The following GDPD4 variants were observed in gnomAD, a reference collection of about 807,000 sequenced individuals.
The protein encoded by GDPD4 is glycerophosphodiester phosphodiesterase domain containing 4, also known as glycerophosphodiester phosphodiesterase 6.
Under a neutral mutation model 67.8 loss-of-function variants are expected in GDPD4, and 60 were observed. The ratio of observed to expected loss-of-function variants is 0.88; its 90% CI spans 0.72 to 1.10. GDPD4 has a LOEUF of 1.10. GDPD4 is among the 50% of genes least tolerant of loss of function. The probability of loss-of-function intolerance (pLI) is 0.00; values close to 1 mark genes in which losing one functional copy is unlikely to be tolerated. For missense variants in GDPD4, 623 were observed against 613.9 expected, an observed-to-expected ratio of 1.01 and a Z score of -0.16; for synonymous variants, 212 against 210.9, an observed-to-expected ratio of 1.00 and a Z score of -0.04.
At chr11:77,257,941 G>T (rs1046220460) in intron 11 of GDPD4, among the ~76,000 whole-genome samples, 1 of 152,166 alleles carries the variant, frequency 6.6e-6, no homozygotes, top group Non-Finnish European at 1.5e-5. Flanking sequence ...ATACTAGCCT[G>T]TGAATTCCAT....
intron 16 of GDPD4, among the ~76,000 whole-genome samples, chr11:77,221,606 G>A (rs1271848060): frequency 6.6e-6 from 1 of 152,130 alleles, no homozygotes; most frequent in African/African-American, 2.4e-5. Flanking sequence ...ACAGTTTGTT[G>A]TGATTTCTGT....
chr11:77,258,521 G>A lies in GDPD4; in HGVS notation c.729C>T (p.Leu243=). The change falls in exon 11 of 17, where the codon CTC becomes CTT. Residue 243 remains leucine, a synonymous_variant. Transcript: ENST00000315938. ...IHLSYDHVPF[L]MHDFDLKRTT... ...TTCTTTTCAGGTCAAAGTCATGCAT[G>A]AGGAAAGGCACATGATCATAACTGA... 6.2e-7 allele frequency: 1 copy of A among 1,613,936 alleles called. No homozygotes were observed. The highest frequency in any genetic ancestry group is 8.5e-7 in the Non-Finnish European group (1 of 1,179,866).
At chr11:77,248,051 C>CA (rs34252021) in intron 11 of GDPD4, among the ~76,000 whole-genome samples, 34,377 of 62,686 alleles carry the variant, frequency 0.55, 9,142 homozygotes, top group Non-Finnish European at 0.65. Flanking sequence ...AACTCCGTCT[C>CA]AAAAAAAAAA....
chr11:77,240,053 A>C (rs138676764), intron 13 of GDPD4, among the ~76,000 whole-genome samples: 1 of 152,156 alleles, frequency 6.6e-6, no homozygotes, highest in Non-Finnish European at 1.5e-5. Flanking sequence ...ATATTGTTAC[A>C]ATGTCAAAAT....
intron 13 of GDPD4, among the ~76,000 whole-genome samples, chr11:77,240,226 C>A (rs954903342): frequency 6.6e-6 from 1 of 152,086 alleles, no homozygotes; most frequent in Non-Finnish European, 1.5e-5. Context: ...ATCACATTCC[C>A]TAATTTCAAA....
intron 7 of GDPD4, chr11:77,270,877 G>A: frequency 2.3e-6 from 1 of 442,648 alleles, no homozygotes; most frequent in Non-Finnish European, 4.0e-6. Context: ...TGTAGAGAAA[G>A]ATCTTATTTT....
At chr11:77,290,907 A>G (rs1937750164) in intron 1 of GDPD4, among the ~76,000 whole-genome samples, 1 of 152,218 alleles carries the variant, frequency 6.6e-6, no homozygotes, top group Non-Finnish European at 1.5e-5. Context: ...GGGCACTCTT[A>G]CACACTGTTG....
rs1307054050 is a variant in GDPD4 at position 77,243,843 on chromosome 11, A to C, written c.1092T>G (p.Phe364Leu). 4 of 1,612,852 alleles carry C rather than the reference A, an allele frequency of 2.5e-6. No individual in the cohort carries two copies. Among genetic ancestry groups the C allele is most frequent in the Non-Finnish European group, 3.4e-6 (4 of 1,179,402 alleles). Residue 364 changes from phenylalanine to leucine, a missense_variant, in exon 13 of 17, where the codon TTT becomes TTG. Physicochemically the swap from Phe to Leu is conservative, Grantham distance 22 (BLOSUM62 0). Transcript: ENST00000315938. Reference sequence around the variant, plus strand: ...ATTGCCTATCATGAGCTGGCAACCAAAAAATCTCTAAGGAGAAACAAGAAG... The same window carrying C: ...ATTGCCTATCATGAGCTGGCAACCACAAAATCTCTAAGGAGAAACAAGAAG... Reference protein sequence around the residue: ...LASKIEQHLIFWLPAHDRQYV... With the variant: ...LASKIEQHLILWLPAHDRQYV...
At chr11:77,223,098 GT>G (rs1283728818) in intron 16 of GDPD4, among the ~76,000 whole-genome samples, 5 of 152,138 alleles carry the variant, frequency 3.3e-5, no homozygotes, top group African/African-American at 1.2e-4. Flanking sequence ...TCTCTACACT[GT>G]TTATTCTAGT....
intron 7 of GDPD4, 141 bp downstream of exon 7, chr11:77,270,989 A>T (rs1959214219): frequency 1.6e-6 from 1 of 642,640 alleles, no homozygotes; most frequent in African/African-American, 1.9e-5. Context: ...AAAGCACAGG[A>T]GCATGCCTGA....
intron 1 of GDPD4, among the ~76,000 whole-genome samples, chr11:77,296,939 A>C (rs780055674): frequency 1.3e-5 from 2 of 151,386 alleles, no homozygotes; most frequent in African/African-American, 4.9e-5. Context: ...CTGTAGTCCC[A>C]GCTATTCGGG....
At chr11:77,218,048 C>G (rs1272671867) in intron 16 of GDPD4, among the ~76,000 whole-genome samples, 1 of 149,794 alleles carries the variant, frequency 6.7e-6, no homozygotes, top group East Asian at 1.9e-4. Flanking sequence ...TTTTTTTTAA[C>G]CTGAGTGTAA....
intron 11 of GDPD4, among the ~76,000 whole-genome samples, chr11:77,246,520 C>T (rs1804002391): frequency 6.6e-6 from 1 of 152,172 alleles, no homozygotes; most frequent in Non-Finnish European, 1.5e-5. Context: ...CATTAAAGTT[C>T]AATCCTGGCT....
At chr11:77,297,699 A>C (rs1227017941) in intron 1 of GDPD4, among the ~76,000 whole-genome samples, 1 of 152,158 alleles carries the variant, frequency 6.6e-6, no homozygotes, top group African/African-American at 2.4e-5. Context: ...ATATCCATAT[A>C]GTTTGTGGGG....
chr11:77,274,239 T>C (rs771910715), intron 5 of GDPD4, among the ~76,000 whole-genome samples: 1 of 152,230 alleles, frequency 6.6e-6, no homozygotes, highest in South Asian at 2.1e-4. Context: ...GCTCCATCTA[T>C]TCTAATAACT....
chr11:77,229,291 C>T (rs113008529), intron 14 of GDPD4, 59 bp from the exon 15 acceptor site: 13,818 of 1,008,578 alleles, frequency 0.014, 120 homozygotes, highest in African/African-American at 0.025. Context: ...TTGGATCATA[C>T]GGTCTAAGTC....
chr11:77,235,977 A>C lies in GDPD4; in HGVS notation c.1242-2805T>G, dbSNP rs201678341. ...TCTCTATTAAAAACAAAAAAAAAACAAAAAAAAAAACAAATTGAAGAGATA... is the reference window on the plus strand; with the variant it reads ...TCTCTATTAAAAACAAAAAAAAAACCAAAAAAAAAACAAATTGAAGAGATA... On this transcript the variant is annotated intron_variant, in intron 13 of 16. Transcript: ENST00000315938. 1.0e-3 allele frequency among the ~76,000 whole-genome samples: 148 copies of C among 143,136 alleles called. 1 individual carries two copies. Among genetic ancestry groups the C allele is most frequent in the Middle Eastern group, 3.5e-3 (1 of 282 alleles). 93.9% of individuals were successfully genotyped at this position (143,136 alleles called of 152,430 possible).
At chr11:77,281,047 G>T (rs138025001) in intron 3 of GDPD4, among the ~76,000 whole-genome samples, 127 of 152,152 alleles carry the variant, frequency 8.3e-4, no homozygotes, top group African/African-American at 2.7e-3. Context: ...TTTTCTCTCC[G>T]CTCTGGACCA....
intron 3 of GDPD4, among the ~76,000 whole-genome samples, chr11:77,283,919 G>A (rs886589939): frequency 1.4e-5 from 2 of 144,674 alleles, no homozygotes; most frequent in African/African-American, 5.2e-5. Context: ...GCAGTGGCAC[G>A]ATCTCGGCTC....
Sources: gnomAD v4.1 joint callset for allele counts (sites outside exome capture counted in the v4.1 genomes callset) on GRCh38, gnomAD v4.1.1 for gene constraint, MANE v1.5 for transcripts, NCBI Gene and HGNC (gene_info 2026-07-23, HGNC 2026-07-21) for gene names.